The following FAT3 variants were observed in gnomAD, a reference collection of about 807,000 sequenced individuals.
FAT3 encodes protocadherin Fat 3.
Under a neutral mutation model 310.2 loss-of-function variants are expected in FAT3, and 95 were observed. The ratio of observed to expected loss-of-function variants is 0.31; its 90% CI spans 0.26 to 0.36. The LOEUF (loss-of-function observed/expected upper bound fraction) is 0.36. Ranked by LOEUF, FAT3 falls within the 10% of genes least tolerant of loss-of-function variation. The pLI, the probability that FAT3 is intolerant of heterozygous loss-of-function variation, is 1.00. For synonymous variants in FAT3, 2,314 were observed against 2,192.9 expected (o/e 1.06, Z -1.54); for missense variants, 5,408 against 5,715.6 (o/e 0.95, Z 1.74).
chr11:92,870,582 G>A (rs1241469031), intron 22 of FAT3, among the ~76,000 whole-genome samples: 1 of 152,130 alleles, frequency 6.6e-6, no homozygotes, highest in Non-Finnish European at 1.5e-5. Context: ...GCAGGGATCA[G>A]CCCAATGTCT....
intron 3 of FAT3, among the ~76,000 whole-genome samples, chr11:92,580,049 T>G (rs921798928): frequency 2.6e-5 from 4 of 152,116 alleles, no homozygotes; most frequent in Admixed American, 6.6e-5. Flanking sequence ...CTTGAATTCT[T>G]TAAGGCATGT....
intron 2 of FAT3, among the ~76,000 whole-genome samples, chr11:92,388,398 G>T (rs979408224): frequency 6.6e-6 from 1 of 152,100 alleles, no homozygotes; most frequent in Non-Finnish European, 1.5e-5. Flanking sequence ...TTCCTCATTT[G>T]TTTGATAGTG....
rs377737484 is a variant in FAT3 at position 92,779,969 on chromosome 11, G to T, written c.4335+5789G>T. On this transcript the variant is annotated intron_variant, in intron 7 of 27. Transcript: ENST00000525166. ...CAGCTGACAGCCAGCAGGGAAACCA[G>T]GGGCCTCCGTTCTACAACCACAAGG... Among the ~76,000 whole-genome samples the T allele has an allele frequency of 2.0e-4, 31 of 152,184 alleles. No individual in the cohort carries two copies. The East Asian group carries it at 2.1e-3, about 10-fold the overall frequency.
intron 1 of FAT3, among the ~76,000 whole-genome samples, chr11:92,343,579 T>C (rs1948329377): frequency 1.3e-5 from 2 of 152,336 alleles, no homozygotes; most frequent in Non-Finnish European, 1.5e-5. Context: ...TTATTCAACC[T>C]TGAGAAGATT....
At chr11:92,621,542 T>C (rs1045914335) in intron 3 of FAT3, among the ~76,000 whole-genome samples, 1 of 152,212 alleles carries the variant, frequency 6.6e-6, no homozygotes, top group Admixed American at 6.5e-5. Flanking sequence ...AACTTCACTG[T>C]GTGATCTGGC....
chr11:92,499,701 T>TTG (rs1177473369), intron 2 of FAT3, among the ~76,000 whole-genome samples: 2 of 134,684 alleles, frequency 1.5e-5, no homozygotes, highest in African/African-American at 7.1e-5. Flanking sequence ...AGTCTTGATC[T>TTG]TGTGTGTGTG....
intron 3 of FAT3, among the ~76,000 whole-genome samples, chr11:92,566,526 G>GA (rs538550323): frequency 5.9e-5 from 9 of 151,442 alleles, no homozygotes; most frequent in Admixed American, 5.9e-4. Flanking sequence ...CACAGAATTG[G>GA]AAAAAAACTA....
At chr11:92,288,114 G>T (rs894398526) in intron 1 of FAT3, among the ~76,000 whole-genome samples, 1 of 152,036 alleles carries the variant, frequency 6.6e-6, no homozygotes, top group Non-Finnish European at 1.5e-5. Context: ...AACATGATAT[G>T]TACGTACAGT....
chr11:92,774,152 C>T lies in FAT3; in HGVS notation c.4307C>T (p.Thr1436Ile). 6.2e-7 allele frequency: 1 copy of T among 1,611,864 alleles called. No individual in the cohort carries two copies. The highest frequency in any genetic ancestry group is 8.5e-7 in the Non-Finnish European group (1 of 1,179,150). Residue 1436 changes from threonine to isoleucine, a missense_variant, in exon 7 of 28, where the codon ACC becomes ATC. Physicochemically the swap from Thr to Ile is moderately conservative, Grantham distance 89. Transcript: ENST00000525166. ...ATCTATAATATGAGTGTGGAAGTCACCGATGGGACAAATGTTGCTGTTACT... is the reference window on the plus strand; with the variant it reads ...ATCTATAATATGAGTGTGGAAGTCATCGATGGGACAAATGTTGCTGTTACT... ...RSIYNMSVEV[T>I]DGTNVAVTQV...
At chr11:92,432,177 G>A (rs1337837052) in intron 2 of FAT3, among the ~76,000 whole-genome samples, 1 of 152,136 alleles carries the variant, frequency 6.6e-6, no homozygotes, top group Non-Finnish European at 1.5e-5. Flanking sequence ...ATTTCGTTGA[G>A]CAGTGGTTTG....
At chr11:92,553,703 T>C (rs911456563) in intron 3 of FAT3, among the ~76,000 whole-genome samples, 104 of 149,604 alleles carry the variant, frequency 7.0e-4, no homozygotes, top group African/African-American at 2.4e-3. Context: ...CTTCCTTCCT[T>C]CCTTCCTTCC....
At chr11:92,293,052 G>A (rs139397092) in intron 1 of FAT3, among the ~76,000 whole-genome samples, 23 of 132,142 alleles carry the variant, frequency 1.7e-4, no homozygotes, top group African/African-American at 4.3e-4. Context: ...AAGGAAGGAA[G>A]GAAGGAAGGA....
intron 3 of FAT3, among the ~76,000 whole-genome samples, chr11:92,689,300 T>A (rs1368934598): frequency 6.6e-6 from 1 of 152,130 alleles, no homozygotes; most frequent in East Asian, 1.9e-4. Flanking sequence ...TCACTTAGGC[T>A]TCTTTATTTT....
At chr11:92,558,461 C>T (rs1955100024) in intron 3 of FAT3, among the ~76,000 whole-genome samples, 2 of 150,944 alleles carry the variant, frequency 1.3e-5, no homozygotes, top group Admixed American at 1.3e-4. Flanking sequence ...TACTTAAAAC[C>T]TGCTTTAGTA....
chr11:92,398,502 A>G (rs113023170), intron 2 of FAT3, among the ~76,000 whole-genome samples: 32 of 90,974 alleles, frequency 3.5e-4, no homozygotes, highest in African/African-American at 1.6e-3. Flanking sequence ...CTCCGTCCCA[A>G]AAAAAAAAAA....
At chr11:92,614,004 A>T (rs1236806833) in intron 3 of FAT3, among the ~76,000 whole-genome samples, 6 of 152,146 alleles carry the variant, frequency 3.9e-5, no homozygotes, top group Non-Finnish European at 8.8e-5. Context: ...TGTAATATAT[A>T]ATCTTATATG....
At chr11:92,590,010 C>T (rs920013855) in intron 3 of FAT3, among the ~76,000 whole-genome samples, 2 of 152,056 alleles carry the variant, frequency 1.3e-5, no homozygotes, top group Non-Finnish European at 2.9e-5. Context: ...AAATTTCTCT[C>T]CTTATAGAAC....
At chr11:92,294,108 G>T (rs1946783258) in intron 1 of FAT3, among the ~76,000 whole-genome samples, 1 of 152,002 alleles carries the variant, frequency 6.6e-6, no homozygotes, top group Middle Eastern at 3.2e-3. Flanking sequence ...CAAGGTTTGG[G>T]CCTATTTGGT....
intron 3 of FAT3, among the ~76,000 whole-genome samples, chr11:92,635,640 T>G (rs1459739046): frequency 6.6e-6 from 1 of 152,214 alleles, no homozygotes; most frequent in East Asian, 1.9e-4. Context: ...CCAGAATGCC[T>G]GCTGTTTTCT....
Sources: allele counts gnomAD v4.1 joint callset (sites outside exome capture counted in the v4.1 genomes callset), GRCh38; gene constraint gnomAD v4.1.1; transcripts MANE v1.5; gene names NCBI Gene and HGNC (gene_info 2026-07-23, HGNC 2026-07-21).